Variants in NFKB1 observed in about 807,000 individuals in gnomAD.
NFKB1 encodes the protein nuclear factor kappa B subunit 1, also known as nuclear factor NF-kappa-B p105 subunit.
In NFKB1, 9 loss-of-function variants were observed where a neutral mutation model predicts 105.1. That is an observed-to-expected ratio of 0.09 (90% CI 0.05 to 0.15). The LOEUF is 0.15. Ranked by LOEUF, NFKB1 falls within the 10% of genes least tolerant of loss-of-function variation. NFKB1 has a pLI of 1.00. For synonymous variants in NFKB1, 440 were observed against 442.2 expected, an observed-to-expected ratio of 1.00 and a Z score of 0.06; for missense variants, 830 against 1,203.7, an observed-to-expected ratio of 0.69 and a Z score of 4.59.
chr4:102,520,860 G>T (rs1018339062), intron 1 of NFKB1, among the ~76,000 whole-genome samples: 11 of 152,202 alleles, frequency 7.2e-5, no homozygotes, highest in Admixed American at 2.0e-4. Context: ...TTCACTGTAT[G>T]TCATTAATTG....
At chr4:102,568,792 G>A (rs77519351) in intron 6 of NFKB1, among the ~76,000 whole-genome samples, 1 of 152,144 alleles carries the variant, frequency 6.6e-6, no homozygotes, top group African/African-American at 2.4e-5. Context: ...TCTAAGGAAA[G>A]TGAGGGATTC....
intron 5 of NFKB1, among the ~76,000 whole-genome samples, chr4:102,561,530 C>T (rs905277782): frequency 6.6e-6 from 1 of 152,168 alleles, no homozygotes; most frequent in Admixed American, 6.5e-5. Flanking sequence ...CTATGAAACA[C>T]TGAGGAGACT....
chr4:102,607,596 A>G, intron 18 of NFKB1, 53 bp from the exon 19 acceptor site: 1 of 1,575,884 alleles, frequency 6.3e-7, no homozygotes, highest in East Asian at 2.2e-5. Context: ...AGGTGGGGAC[A>G]AAAGGGCAAA....
At chr4:102,518,851 C>G (rs1349763374) in intron 1 of NFKB1, among the ~76,000 whole-genome samples, 1 of 152,136 alleles carries the variant, frequency 6.6e-6, no homozygotes, top group Non-Finnish European at 1.5e-5. Flanking sequence ...TTTCCAGTGG[C>G]TGGTGCAGGC....
chr4:102,602,263 G>A (rs1296608624), intron 16 of NFKB1, among the ~76,000 whole-genome samples: 3 of 151,462 alleles, frequency 2.0e-5, no homozygotes, highest in African/African-American at 7.3e-5. Flanking sequence ...GGGTGCGGTG[G>A]CTCACACCTA....
chr4:102,597,245 G>A (rs543488814), intron 14 of NFKB1, among the ~76,000 whole-genome samples: 4 of 152,240 alleles, frequency 2.6e-5, no homozygotes, highest in African/African-American at 9.6e-5. Flanking sequence ...GATAATGGTC[G>A]TTCCCTTAAA....
intron 12 of NFKB1, among the ~76,000 whole-genome samples, chr4:102,594,129 C>T (rs1487019950): frequency 1.3e-5 from 2 of 152,138 alleles, no homozygotes; most frequent in East Asian, 3.8e-4. Flanking sequence ...TGCACCATGA[C>T]TGTGTGTATA....
chr4:102,528,158 A>G (rs1741046089), intron 2 of NFKB1, among the ~76,000 whole-genome samples: 2 of 152,128 alleles, frequency 1.3e-5, no homozygotes, highest in South Asian at 4.1e-4. Flanking sequence ...AGTGAAGAGT[A>G]TATCTCTCTC....
intron 9 of NFKB1, among the ~76,000 whole-genome samples, chr4:102,582,428 G>A (rs1436613692): frequency 6.6e-6 from 1 of 152,120 alleles, no homozygotes; most frequent in Non-Finnish European, 1.5e-5. Context: ...GTTAATATGT[G>A]TATATATGAA....
chr4:102,600,334 A>G (rs910601241), intron 15 of NFKB1, among the ~76,000 whole-genome samples: 5 of 152,230 alleles, frequency 3.3e-5, no homozygotes, highest in Non-Finnish European at 7.3e-5. Context: ...GTTTACTGCA[A>G]GAATTTTCTT....
At chr4:102,612,654 T>C in intron 22 of NFKB1, 48 bp downstream of exon 22, 1 of 1,530,886 alleles carries the variant, frequency 6.5e-7, no homozygotes, top group Non-Finnish European at 9.0e-7. Flanking sequence ...GACTTTACTC[T>C]GTTAACATCT....
chr4:102,584,211 C>T (rs1055037335), intron 10 of NFKB1, among the ~76,000 whole-genome samples: 7 of 152,106 alleles, frequency 4.6e-5, no homozygotes, highest in Non-Finnish European at 1.0e-4. Context: ...CCCTAACATA[C>T]CACCAAGAAC....
At chr4:102,595,837 A>C (rs1386285783) in intron 13 of NFKB1, among the ~76,000 whole-genome samples, 1 of 152,228 alleles carries the variant, frequency 6.6e-6, no homozygotes, top group African/African-American at 2.4e-5. Flanking sequence ...AGAACTTTAA[A>C]AATTCAGCTT....
intron 9 of NFKB1, 134 bp downstream of exon 9, chr4:102,580,773 ATTTACGT>A (rs1725258686): frequency 3.1e-6 from 2 of 644,024 alleles, no homozygotes; most frequent in East Asian, 6.0e-5. Flanking sequence ...CTTAAAAAGC[ATTTACGT>A]TTTACCTCTT....
At chr4:102,508,031 G>C (rs1055753535) in intron 1 of NFKB1, among the ~76,000 whole-genome samples, 2 of 152,144 alleles carry the variant, frequency 1.3e-5, no homozygotes, top group African/African-American at 4.8e-5. Context: ...TCCATGACAA[G>C]AATTTTAGGA....
chr4:102,529,706 A>C (rs1741155050), intron 2 of NFKB1, 130 bp from the exon 3 acceptor site: 1 of 688,888 alleles, frequency 1.5e-6, no homozygotes. Context: ...CCTGATTTAA[A>C]ATATTTTCAG....
chr4:102,556,617 CTT>C (rs947860088), intron 5 of NFKB1, among the ~76,000 whole-genome samples: 25 of 152,242 alleles, frequency 1.6e-4, no homozygotes, highest in African/African-American at 5.5e-4. Flanking sequence ...CCTTTACACA[CTT>C]TTTCATTTGA....
intron 11 of NFKB1, among the ~76,000 whole-genome samples, chr4:102,592,784 T>A (rs1560702975): frequency 1.3e-5 from 2 of 149,980 alleles, no homozygotes; most frequent in Non-Finnish European, 2.9e-5. Context: ...TGTGTACATC[T>A]TCTTTTTCCT....
intron 15 of NFKB1, among the ~76,000 whole-genome samples, chr4:102,597,865 A>G (rs1289633568): frequency 6.6e-6 from 1 of 152,242 alleles, no homozygotes; most frequent in African/African-American, 2.4e-5. Flanking sequence ...TGGAATCTGT[A>G]GTAGCTGGAG....
Sources: gnomAD v4.1 joint callset for allele counts (sites outside exome capture counted in the v4.1 genomes callset) on GRCh38, gnomAD v4.1.1 for gene constraint, MANE v1.5 for transcripts, NCBI Gene and HGNC (gene_info 2026-07-23, HGNC 2026-07-21) for gene names.